PTPRG: variants seen among roughly 807,000 people sequenced by gnomAD.
PTPRG encodes the protein receptor-type tyrosine-protein phosphatase gamma.
A neutral mutation model predicts 165.3 loss-of-function variants in PTPRG; 102 were observed. The observed-to-expected ratio is 0.62, with a 90% confidence interval of 0.53 to 0.73. The LOEUF is 0.73. Among genes scored for constraint, PTPRG ranks in the 30% least tolerant of loss-of-function variants. The pLI is 0.00. For synonymous variants in PTPRG, 675 were observed against 669.5 expected (o/e 1.01, Z -0.13); for missense variants, 1,866 against 1,861.4 (o/e 1.00, Z -0.05).
At chr3:62,005,049 T>G (rs1437193686) in intron 4 of PTPRG, among the ~76,000 whole-genome samples, 1 of 152,220 alleles carries the variant, frequency 6.6e-6, no homozygotes, top group Non-Finnish European at 1.5e-5. Flanking sequence ...TTTCTATAGA[T>G]GCTTATATGG....
chr3:62,260,421 T>G (rs1350330773), intron 16 of PTPRG, among the ~76,000 whole-genome samples: 1 of 152,170 alleles, frequency 6.6e-6, no homozygotes, highest in Non-Finnish European at 1.5e-5. Context: ...AGGAAGTGAT[T>G]TAGCCTACAT....
chr3:61,655,471 A>C (rs995314596), intron 1 of PTPRG, among the ~76,000 whole-genome samples: 1 of 152,224 alleles, frequency 6.6e-6, no homozygotes, highest in Non-Finnish European at 1.5e-5. Flanking sequence ...ATATGGACTA[A>C]ATGAGTATTA....
intron 1 of PTPRG, among the ~76,000 whole-genome samples, chr3:61,632,921 T>G (rs17065124): frequency 0.028 from 4,265 of 152,254 alleles, 189 homozygotes; most frequent in African/African-American, 0.095. Flanking sequence ...AGGACTAGCC[T>G]TCTTGCTTAC....
chr3:61,723,108 A>G (rs1027235318), intron 1 of PTPRG, among the ~76,000 whole-genome samples: 1 of 152,160 alleles, frequency 6.6e-6, no homozygotes, highest in Non-Finnish European at 1.5e-5. Flanking sequence ...TTTATTTTCA[A>G]GAAATGTCTT....
chr3:61,869,727 C>T (rs142908962), intron 2 of PTPRG, among the ~76,000 whole-genome samples: 13 of 151,990 alleles, frequency 8.6e-5, no homozygotes, highest in African/African-American at 1.4e-4. Flanking sequence ...CGTAGGTGCA[C>T]GCCACCCTGC....
At chr3:61,714,381 G>A (rs1242973107) in intron 1 of PTPRG, among the ~76,000 whole-genome samples, 43 of 152,060 alleles carry the variant, frequency 2.8e-4, no homozygotes, top group Admixed American at 2.7e-3. Context: ...AGTGGAAGAC[G>A]GTCATGTCCT....
chr3:62,218,546 T>C (rs1369127908), intron 12 of PTPRG, among the ~76,000 whole-genome samples: 2 of 152,190 alleles, frequency 1.3e-5, no homozygotes, highest in East Asian at 3.9e-4. Context: ...GGGTCGGTCA[T>C]GTTCTTGGGG....
chr3:61,978,392 T>C lies in PTPRG; in HGVS notation c.191-11233T>C, dbSNP rs189988632. Among the ~76,000 whole-genome samples the C allele has an allele frequency of 5.9e-5, 9 of 152,382 alleles. No individual in the cohort carries two copies. The East Asian group carries it at 1.5e-3, about 26-fold the overall frequency. ...TAATTCTTCCCACAACTGCTTCTTA[T>C]ACTTTTATATATTTATTTTAAACAT... On this transcript the variant is annotated intron_variant, in intron 2 of 29. Transcript: ENST00000474889.
intron 2 of PTPRG, among the ~76,000 whole-genome samples, chr3:61,837,498 G>C (rs756042547): frequency 6.6e-6 from 1 of 152,210 alleles, no homozygotes; most frequent in Non-Finnish European, 1.5e-5. Context: ...CGGCATGCAG[G>C]GGGTACTAGA....
At chr3:62,005,944 C>G (rs1209769978) in intron 4 of PTPRG, among the ~76,000 whole-genome samples, 2 of 152,000 alleles carry the variant, frequency 1.3e-5, no homozygotes, top group African/African-American at 4.8e-5. Flanking sequence ...TTCAAATGAT[C>G]CACCTTTCTC....
At chr3:61,826,907 A>G (rs1430209100) in intron 2 of PTPRG, among the ~76,000 whole-genome samples, 1 of 151,190 alleles carries the variant, frequency 6.6e-6, no homozygotes, top group Admixed American at 6.6e-5. Context: ...TTGAAGTAGT[A>G]ATTACTATGC....
chr3:61,564,543 G>T (rs943914434), intron 1 of PTPRG, among the ~76,000 whole-genome samples: 1 of 152,240 alleles, frequency 6.6e-6, no homozygotes, highest in Non-Finnish European at 1.5e-5. Context: ...GAGCCGAGGG[G>T]TGTGGGAAAG....
intron 5 of PTPRG, among the ~76,000 whole-genome samples, chr3:62,097,202 A>G (rs1291067247): frequency 1.3e-5 from 2 of 152,234 alleles, no homozygotes; most frequent in Non-Finnish European, 2.9e-5. Context: ...ACCTAATGGT[A>G]TAAGATAGGC....
intron 5 of PTPRG, among the ~76,000 whole-genome samples, chr3:62,120,520 G>T (rs1046862217): frequency 3.2e-5 from 3 of 94,568 alleles, no homozygotes; most frequent in African/African-American, 9.7e-5. Context: ...GGAGGCCGAG[G>T]TGGGTGGATC....
At chr3:62,009,353 G>T (rs943366790) in intron 4 of PTPRG, among the ~76,000 whole-genome samples, 1 of 152,136 alleles carries the variant, frequency 6.6e-6, no homozygotes, top group Non-Finnish European at 1.5e-5. Context: ...CTTAGGCAAA[G>T]TTCAGGATTG....
Position 62,039,269 on chromosome 3 carries a change from G to GTT in PTPRG, c.519+35782_519+35783dup, listed in dbSNP as rs5849458. ...GGTTTTTTTTTTTGGTTTTGTTTTT[G>GTT]TTTTTTTTTTTAAAGAGAAGTGTTG... is the stretch of plus-strand genomic sequence containing the variant. On this transcript the variant is annotated intron_variant, in intron 4 of 29. Coordinates refer to ENST00000474889, the MANE Select transcript of PTPRG (RefSeq NM_002841.4). Among the ~76,000 whole-genome samples the GTT allele has an allele frequency of 4.9e-4, 71 of 144,170 alleles. 1 individual carries two copies. The highest frequency in any genetic ancestry group is 2.4e-3 in the Admixed American group (34 of 14,294). 94.6% of individuals were successfully genotyped at this position (144,170 alleles called of 152,430 possible). A position where few individuals can be genotyped will look rare whatever the true frequency, so the allele number is the denominator to read the frequency against.
intron 2 of PTPRG, among the ~76,000 whole-genome samples, chr3:61,906,809 AGG>A (rs1559681359): frequency 5.9e-5 from 9 of 151,912 alleles, no homozygotes; most frequent in African/African-American, 2.2e-4. Flanking sequence ...GTAGGTAGGT[AGG>A]TAGGTAGGTA....
intron 5 of PTPRG, among the ~76,000 whole-genome samples, chr3:62,091,000 A>G (rs1004946294): frequency 1.3e-5 from 2 of 152,238 alleles, no homozygotes; most frequent in African/African-American, 4.8e-5. Flanking sequence ...TGTCTGTGAA[A>G]GTACTGTGGA....
At chr3:61,617,761 G>A (rs1701336313) in intron 1 of PTPRG, among the ~76,000 whole-genome samples, 1 of 151,798 alleles carries the variant, frequency 6.6e-6, no homozygotes, top group Non-Finnish European at 1.5e-5. Flanking sequence ...ATACGAAAAC[G>A]GTCTCTTTAC....
Sources: gnomAD v4.1 joint callset for allele counts (sites outside exome capture counted in the v4.1 genomes callset) on GRCh38, gnomAD v4.1.1 for gene constraint, MANE v1.5 for transcripts, NCBI Gene and HGNC (gene_info 2026-07-23, HGNC 2026-07-21) for gene names.